The following PCDH9 variants were observed in gnomAD, a reference collection of about 807,000 sequenced individuals.
The protein encoded by PCDH9 is protocadherin 9, also known as protocadherin-9.
PCDH9 carries 24 observed loss-of-function variants against 70.6 expected under a neutral mutation model. The observed-to-expected ratio is 0.34, with a 90% CI of 0.25 to 0.48. PCDH9 has a LOEUF of 0.48. Among genes scored for constraint, PCDH9 ranks in the 20% least tolerant of loss-of-function variants. The pLI, the probability that PCDH9 is intolerant of heterozygous loss-of-function variation, is 0.99. For synonymous variants in PCDH9, 562 were observed against 558.5 expected (o/e 1.01, Z -0.09); for missense variants, 1,281 against 1,503.6 (o/e 0.85, Z 2.45).
At chr13:66,635,468 C>T (rs1045387925) in intron 3 of PCDH9, among the ~76,000 whole-genome samples, 3 of 152,034 alleles carry the variant, frequency 2.0e-5, no homozygotes, top group East Asian at 1.9e-4. Context: ...ATTAATAGTG[C>T]CATGTGTTCA....
At position 66,394,990 on chromosome 13, in the gene PCDH9, A is replaced by C. The variant is rs1195073061; in HGVS notation, c.3341-89962T>G. Among the ~76,000 whole-genome samples the C allele has an allele frequency of 3.3e-5, 5 of 152,316 alleles. No homozygotes were observed. The East Asian group carries it at 9.7e-4, about 29-fold the overall frequency. On this transcript the variant is annotated intron_variant, in intron 4 of 4. Coordinates refer to ENST00000377865, the MANE Select transcript of PCDH9 (RefSeq NM_203487.3). ...CTGGTCTCTCAAGAGAGAAATTCCA[A>C]AAGTTGCAAGGCTCAAGGGTATGTC...
chr13:66,463,364 ATTG>A (rs1249674628), intron 4 of PCDH9, among the ~76,000 whole-genome samples: 2 of 151,848 alleles, frequency 1.3e-5, no homozygotes, highest in African/African-American at 4.8e-5. Context: ...CTTAGAACAC[ATTG>A]TATAAAATTT....
At chr13:66,651,203 A>T (rs2077846772) in intron 3 of PCDH9, among the ~76,000 whole-genome samples, 1 of 151,980 alleles carries the variant, frequency 6.6e-6, no homozygotes, top group East Asian at 1.9e-4. Flanking sequence ...AATAAATGAA[A>T]AAAAGTACAA....
chr13:66,852,311 G>T (rs142262616), intron 3 of PCDH9, among the ~76,000 whole-genome samples: 19 of 152,130 alleles, frequency 1.2e-4, no homozygotes, highest in East Asian at 5.8e-4. Context: ...ATTCAGCTAT[G>T]TTATCTGTTA....
rs1229089652 is a variant in PCDH9, at chr13:66,741,954, G to C, written c.3139-110543C>G. 2.0e-5 allele frequency among the ~76,000 whole-genome samples: 3 copies of C among 150,110 alleles called. No individual in the cohort carries two copies. In the East Asian group the frequency reaches 5.9e-4, roughly 29 times the overall value. ...ATAGAGTCAATGCCATCCCCATCAA[G>C]CTACCAATGACTGTCTTCACAGAAT... is the stretch of plus-strand genomic sequence containing the variant. On this transcript the variant is annotated intron_variant, in intron 3 of 4. Transcript: ENST00000377865.
At chr13:67,178,842 C>T (rs938548121) in intron 2 of PCDH9, among the ~76,000 whole-genome samples, 20 of 152,122 alleles carry the variant, frequency 1.3e-4, no homozygotes, top group African/African-American at 4.8e-4. Context: ...TTAAATTCCT[C>T]AAAACCACCT....
intron 3 of PCDH9, among the ~76,000 whole-genome samples, chr13:66,806,575 TACTC>T (rs2080413645): frequency 6.6e-6 from 1 of 152,196 alleles, no homozygotes; most frequent in Non-Finnish European, 1.5e-5. Context: ...AGCCCACACA[TACTC>T]ACCAACATAA....
intron 2 of PCDH9, among the ~76,000 whole-genome samples, chr13:67,125,234 G>T (rs183256673): frequency 1.3e-5 from 2 of 152,276 alleles, no homozygotes; most frequent in African/African-American, 4.8e-5. Context: ...ACGTCAGAGG[G>T]ATGTGAATTT....
At chr13:66,923,925 G>A (rs1469629923) in intron 2 of PCDH9, among the ~76,000 whole-genome samples, 1 of 151,602 alleles carries the variant, frequency 6.6e-6, no homozygotes, top group East Asian at 1.9e-4. Flanking sequence ...ATACTAATGA[G>A]GTTTAATACT....
At chr13:66,869,362 T>G (rs145436774) in intron 3 of PCDH9, among the ~76,000 whole-genome samples, 118 of 152,274 alleles carry the variant, frequency 7.7e-4, no homozygotes, top group African/African-American at 2.6e-3. Flanking sequence ...CTACTTGTAT[T>G]TATTTGTTTT....
Position 67,226,259 on chromosome 13 carries a change from T to G in PCDH9, c.2182A>C (p.Ile728Leu). ...GTAATGTTACCTGTTACTGGATCAA[T>G]CCGGAATAAGCCTTTATTGTTTCCA... ...VSGNNKGLFR[I>L]DPVTGNITLE... is the part of the protein sequence containing the mutation. Residue 728 changes from isoleucine to leucine, a missense_variant, in exon 2 of 5, where the codon ATT becomes CTT. Ile to Leu is a conservative substitution (Grantham distance 5). Coordinates refer to ENST00000377865, the MANE Select transcript of PCDH9 (RefSeq NM_203487.3). This position sits in a 1 kb window ranked among gnomAD's most constrained non-coding sequence, Gnocchi z 5.0. The G allele has an allele frequency of 7.4e-6, 12 of 1,614,160 alleles. No homozygotes were observed. Among genetic ancestry groups the G allele is most frequent in the Non-Finnish European group, 1.0e-5 (12 of 1,180,018 alleles).
intron 2 of PCDH9, among the ~76,000 whole-genome samples, chr13:66,915,744 A>G (rs1327948816): frequency 6.6e-6 from 1 of 151,708 alleles, no homozygotes; most frequent in African/African-American, 2.4e-5. Context: ...GAGACTCAAC[A>G]TGAAAAGAAA....
At chr13:66,687,873 T>C (rs574863072) in intron 3 of PCDH9, among the ~76,000 whole-genome samples, 1 of 152,264 alleles carries the variant, frequency 6.6e-6, no homozygotes, top group South Asian at 2.1e-4. Flanking sequence ...TTCCTGTTGC[T>C]CATTACTTCT....
chr13:67,105,176 A>G (rs2086513370), intron 2 of PCDH9, among the ~76,000 whole-genome samples: 1 of 152,150 alleles, frequency 6.6e-6, no homozygotes, highest in African/African-American at 2.4e-5. Flanking sequence ...GGGAAAAAAG[A>G]TGATGTAAAA....
At chr13:66,633,904 G>A (rs141793119) in intron 3 of PCDH9, among the ~76,000 whole-genome samples, 2 of 152,076 alleles carry the variant, frequency 1.3e-5, no homozygotes, top group Non-Finnish European at 2.9e-5. Flanking sequence ...TGCAGTTCTT[G>A]CAGGTGGTCC....
intron 4 of PCDH9, among the ~76,000 whole-genome samples, chr13:66,416,752 A>C (rs558273886): frequency 5.3e-4 from 81 of 152,254 alleles, no homozygotes; most frequent in Middle Eastern, 3.4e-3. Context: ...TAGCAACAAA[A>C]TTGGTAGTCT....
intron 3 of PCDH9, among the ~76,000 whole-genome samples, chr13:66,776,378 C>T (rs1357346429): frequency 1.3e-5 from 2 of 150,638 alleles, no homozygotes; most frequent in Admixed American, 1.3e-4. Context: ...ATCTAGAAAA[C>T]CCCATTGTCT....
In PCDH9 at chr13:67,099,197, T is replaced by C. The variant is rs2086382737; in HGVS notation, c.3036+126208A>G. Among the ~76,000 whole-genome samples the C allele has an allele frequency of 2.0e-5, 3 of 152,238 alleles. No homozygotes were observed. The South Asian group carries it at 6.2e-4, about 31-fold the overall frequency. ...TCAGACTTTCTGAATGTTATCTTGATGTTCCAGTTCTTCTCTTTTACCATA... is the reference window on the plus strand; with the variant it reads ...TCAGACTTTCTGAATGTTATCTTGACGTTCCAGTTCTTCTCTTTTACCATA... On this transcript the variant is annotated intron_variant, in intron 2 of 4. Transcript: ENST00000377865.
chr13:67,159,018 C>T (rs770711962), intron 2 of PCDH9, among the ~76,000 whole-genome samples: 7 of 152,166 alleles, frequency 4.6e-5, no homozygotes, highest in Admixed American at 6.5e-5. Flanking sequence ...CAGACACTGA[C>T]CCAGTGTCAC....
Sources: allele counts gnomAD v4.1 joint callset (sites outside exome capture counted in the v4.1 genomes callset), GRCh38; gene constraint gnomAD v4.1.1; non-coding constraint Gnocchi (gnomAD v3.1); transcripts MANE v1.5; gene names NCBI Gene and HGNC (gene_info 2026-07-23, HGNC 2026-07-21).